CD7: variants seen among roughly 807,000 people sequenced by gnomAD.
CD7 encodes CD7 molecule, also known as T-cell antigen CD7.
Under a neutral mutation model 17.6 loss-of-function variants are expected in CD7, and 19 were observed. That is an observed-to-expected ratio of 1.08 (90% CI 0.75 to 1.58). CD7 has a LOEUF of 1.58. CD7 is among the 40% of genes most tolerant of loss of function. The pLI, the probability that CD7 is intolerant of heterozygous loss-of-function variation, is 0.00. For synonymous variants in CD7, 160 were observed against 159.8 expected (o/e 1.00, Z -0.01); for missense variants, 291 against 327.1 (o/e 0.89, Z 0.85).
chr17:82,317,358 C>T, intron 1 of CD7, 56 bp downstream of exon 1: 1 of 1,494,842 alleles, frequency 6.7e-7, no homozygotes, highest in South Asian at 1.2e-5. Flanking sequence ...GCTCTGAGCT[C>T]ATGGGGCAGG....
At chr17:82,317,167 T>C (rs1599647744) in intron 1 of CD7, 186 bp from the exon 2 acceptor site, 1 of 664,366 alleles carries the variant, frequency 1.5e-6, no homozygotes, top group South Asian at 1.9e-5. Context: ...GGGGAGGTGC[T>C]GTCCTCGTGT....
chr17:82,317,491 G>A lies in CD7; in HGVS notation c.5C>T (p.Ala2Val), dbSNP rs867697412. The change falls in exon 1 of 4, where the codon GCC becomes GTC. Residue 2 changes from alanine to valine, a missense_variant. Coordinates refer to ENST00000312648, the MANE Select transcript of CD7 (RefSeq NM_006137.7). MAGPPRLLLLPL... is the reference protein window; with the variant it reads MVGPPRLLLLPL... The stretch of plus-strand genomic sequence containing the variant: ...CAGCAGCAGGAGCCTCGGAGGCCCG[G>A]CCATGTTCCCCACACCCAGCTCTCC... 6.4e-7 allele frequency: 1 copy of A among 1,565,850 alleles called. No homozygotes were observed. The highest frequency in any genetic ancestry group is 8.7e-7 in the Non-Finnish European group (1 of 1,156,064).
At chr17:82,316,622 G>A (rs763805459) in intron 2 of CD7, 45 bp downstream of exon 2, 1 of 1,576,264 alleles carries the variant, frequency 6.3e-7, no homozygotes, top group Non-Finnish European at 8.6e-7. Flanking sequence ...AGCCTGGCCA[G>A]CAGCTGGGGT....
intron 3 of CD7, 113 bp downstream of exon 3, chr17:82,316,082 A>T: frequency 8.9e-7 from 1 of 1,124,824 alleles, no homozygotes; most frequent in Non-Finnish European, 1.3e-6. Context: ...CAGAGCCTGC[A>T]GAGGAGGCGG....
intron 3 of CD7, 145 bp downstream of exon 3, chr17:82,316,050 G>T: frequency 1.1e-6 from 1 of 901,484 alleles, no homozygotes; most frequent in Non-Finnish European, 1.8e-6. Flanking sequence ...CCCCGCCGAG[G>T]CCACTTCCAC....
At position 82,316,374 on chromosome 17, in the gene CD7, C is replaced by T. The variant is rs542906679; in HGVS notation, c.433G>A (p.Ala145Thr). The part of the protein sequence containing the change: ...QSQGWHRCSD[A>T]PPRASALPAP... The stretch of plus-strand genomic sequence containing the variant: ...GGGAGGGCAGAGGCCCTTGGTGGGG[C>T]GTCCGAGCATCTGTGCCATCCTTGG... The change falls in exon 3 of 4, where the codon GCC becomes ACC. Residue 145 changes from alanine to threonine, a missense_variant. Physicochemically the swap from Ala to Thr is moderately conservative, Grantham distance 58. Coordinates refer to ENST00000312648, the MANE Select transcript of CD7 (RefSeq NM_006137.7). The T allele has an allele frequency of 4.1e-5, 65 of 1,592,006 alleles. No homozygotes were observed. The highest frequency in any genetic ancestry group is 9.0e-5 in the East Asian group (4 of 44,282).
rs886535779 is a variant in CD7, at chr17:82,314,910, G to A, written c.*411C>T. 7 of 192,476 alleles carry A rather than the reference G, an allele frequency of 3.6e-5. No individual in the cohort carries two copies. The highest frequency in any genetic ancestry group is 1.6e-4 in the African/African-American group (7 of 43,294). 11.9% of individuals were successfully genotyped at this position (192,476 alleles called of 1,614,324 possible). A position where few individuals can be genotyped will look rare whatever the true frequency, so the allele number is the denominator to read the frequency against. On this transcript the variant is annotated 3_prime_UTR_variant, in exon 4 of 4. Coordinates refer to ENST00000312648, the MANE Select transcript of CD7 (RefSeq NM_006137.7). This position sits in a 1 kb window ranked among gnomAD's most constrained non-coding sequence, Gnocchi z 6.0. Reference sequence around the variant, plus strand: ...GCCTTTATTTCTGGTACGGCTGGGTGGGGGACTGGTCTCCTCCCGTCCTCT... The same window carrying A: ...GCCTTTATTTCTGGTACGGCTGGGTAGGGGACTGGTCTCCTCCCGTCCTCT...
At chr17:82,317,191 G>T (rs1053901585) in intron 1 of CD7, 3 of 659,920 alleles carry the variant, frequency 4.5e-6, no homozygotes, top group South Asian at 3.9e-5. Flanking sequence ...GAGACTGTGG[G>T]CTTCTTCCTC....
chr17:82,317,034 T>C, intron 1 of CD7, 53 bp from the exon 2 acceptor site: 2 of 1,481,276 alleles, frequency 1.4e-6, no homozygotes, highest in Non-Finnish European at 1.8e-6. Context: ...ACAGAGAATG[T>C]CCTCCCTGCA....
At position 82,316,684 on chromosome 17, in the gene CD7, G is replaced by T; in HGVS notation, c.380C>A (p.Thr127Asn). 6.2e-7 allele frequency: 1 copy of T among 1,612,206 alleles called. No homozygotes were observed. The change falls in exon 2 of 4, where the codon ACC (threonine) becomes AAC (asparagine). Residue 127 changes from threonine (T) to asparagine (N), a missense_variant. Physicochemically the swap from Thr to Asn is moderately conservative, Grantham distance 65 (BLOSUM62 0). Transcript: ENST00000312648. ...TTCCCTACCTGTCACCAGGACCAGGGTGCCGGAGCCGTAGACATTGACCTC... is the reference window on the plus strand; with the variant it reads ...TTCCCTACCTGTCACCAGGACCAGGTTGCCGGAGCCGTAGACATTGACCTC... ...ITEVNVYGSG[T>N]LVLVTEEQSQ...
At position 82,315,374 on chromosome 17, in the gene CD7, C is replaced by T; in HGVS notation, c.670G>A (p.Asp224Asn). 1 of 1,613,512 alleles carries T rather than the reference C, an allele frequency of 6.2e-7. No homozygotes were observed. The highest frequency in any genetic ancestry group is 1.1e-5 in the South Asian group (1 of 91,086). Reference protein sequence around the residue: ...KNSAACVVYEDMSHSRCNTLS... With the variant: ...KNSAACVVYENMSHSRCNTLS... ...GTGTTGCAGCGGCTGTGCGACATGT[C>T]CTCGTACACCACACATGCCGCCGAA... Residue 224 changes from aspartate (D) to asparagine (N), a missense_variant, in exon 4 of 4, where the codon GAC becomes AAC. By Grantham distance (23) the Asp-to-Asn change is conservative (BLOSUM62 1). Coordinates refer to ENST00000312648, the MANE Select transcript of CD7 (RefSeq NM_006137.7).
chr17:82,317,568 A>G lies in CD7; in HGVS notation c.-73T>C. ...TCTGGGTCTACAGGACCCCACAGAG[A>G]GCAGCACACAGGAGACCGCAGGCGC... On this transcript the variant is annotated 5_prime_UTR_variant, in exon 1 of 4. Coordinates refer to ENST00000312648, the MANE Select transcript of CD7 (RefSeq NM_006137.7). The G allele has an allele frequency of 7.3e-7, 1 of 1,377,104 alleles. No individual in the cohort carries two copies. The highest frequency in any genetic ancestry group is 2.5e-5 in the East Asian group (1 of 39,880). 85.3% of individuals were successfully genotyped at this position (1,377,104 alleles called of 1,614,324 possible).
In CD7 at chr17:82,316,339, C is replaced by T. The variant is rs1046327097; in HGVS notation, c.468G>A (p.Pro156=). Residue 156 remains proline (P), a synonymous_variant, in exon 3 of 4, where the codon CCG becomes CCA. Transcript: ENST00000312648. The stretch of plus-strand genomic sequence containing the variant: ...GCGGGTCAGGGAGGGCGGAGCCTGT[C>T]GGTGGGGCAGGGAGGGCAGAGGCCC... ...PPRASALPAP[P]TGSALPDPQT... The T allele has an allele frequency of 1.6e-5, 25 of 1,588,334 alleles. No individual in the cohort carries two copies. The highest frequency in any genetic ancestry group is 1.1e-4 in the Admixed American group (6 of 56,136).
rs1375726214 is a variant in CD7 at position 82,315,250 on chromosome 17, GGGT to G, written c.*68_*70del. ...GGACAGCAGGGTGAGGGGTGTGGCA[GGGT>G]GGGGGGCATGGTGGGGCAGGGAAGG... is the stretch of plus-strand genomic sequence containing the variant. On this transcript the variant is annotated 3_prime_UTR_variant, in exon 4 of 4. Coordinates refer to ENST00000312648, the MANE Select transcript of CD7 (RefSeq NM_006137.7). The G allele has an allele frequency of 1.0e-6, 1 of 980,734 alleles. No homozygotes were observed. The highest frequency in any genetic ancestry group is 1.6e-5 in the African/African-American group (1 of 62,078). 60.8% of individuals were successfully genotyped at this position (980,734 alleles called of 1,614,324 possible).
Position 82,316,839 on chromosome 17 carries a change from C to G in CD7, c.225G>C (p.Gly75=), listed in dbSNP as rs1349203487. Residue 75 remains glycine, a synonymous_variant, in exon 2 of 4, where the codon GGG becomes GGC. Transcript: ENST00000312648. ...QPQDIIYYED[G]VVPTTDRRFR... Reference sequence around the variant, plus strand: ...ACCGTCTGTCCGTAGTGGGCACCACCCCGTCCTCGTAGTAAATGATGTCTT... The same window carrying G: ...ACCGTCTGTCCGTAGTGGGCACCACGCCGTCCTCGTAGTAAATGATGTCTT... 2 of 1,613,956 alleles carry G rather than the reference C, an allele frequency of 1.2e-6. No individual in the cohort carries two copies. The highest frequency in any genetic ancestry group is 4.5e-5 in the East Asian group (2 of 44,890).
chr17:82,316,355 G>T lies in CD7; in HGVS notation c.452C>A (p.Ala151Asp). 6.3e-7 allele frequency: 1 copy of T among 1,594,766 alleles called. No homozygotes were observed. Among genetic ancestry groups the T allele is most frequent in the Admixed American group, 1.8e-5 (1 of 56,638 alleles). The change falls in exon 3 of 4, where the codon GCC becomes GAC. Residue 151 changes from alanine to aspartate, a missense_variant. Physicochemically the swap from Ala to Asp is moderately radical, Grantham distance 126. Transcript: ENST00000312648. ...GGAGCCTGTCGGTGGGGCAGGGAGG[G>T]CAGAGGCCCTTGGTGGGGCGTCCGA... ...RCSDAPPRAS[A>D]LPAPPTGSAL...
At chr17:82,315,989 C>T (rs2052009958) in intron 3 of CD7, 2 of 648,072 alleles carry the variant, frequency 3.1e-6, no homozygotes, top group Non-Finnish European at 5.4e-6. Context: ...GGGCCCAGCG[C>T]CTGGGCTGCT....
At chr17:82,315,990 C>G in intron 3 of CD7, 1 of 671,412 alleles carries the variant, frequency 1.5e-6, no homozygotes. Flanking sequence ...GGCCCAGCGC[C>G]TGGGCTGCTC....
In CD7 at chr17:82,315,410, G is replaced by T. The variant is rs768642514; in HGVS notation, c.634C>A (p.Arg212=). The change falls in exon 4 of 4, where the codon CGG becomes AGG. Residue 212 remains arginine (R), a synonymous_variant. Coordinates refer to ENST00000312648, the MANE Select transcript of CD7 (RefSeq NM_006137.7). The part of the protein sequence containing the change: ...RTQIKKLCSW[R]DKNSAACVVY... Reference sequence around the variant, plus strand: ...ACACATGCCGCCGAATTCTTATCCCGCCACGAGCACAGTTTCTTTATCTGA... The same window carrying T: ...ACACATGCCGCCGAATTCTTATCCCTCCACGAGCACAGTTTCTTTATCTGA... The T allele has an allele frequency of 6.2e-7, 1 of 1,613,594 alleles. No individual in the cohort carries two copies. Among genetic ancestry groups the T allele is most frequent in the East Asian group, 2.2e-5 (1 of 44,882 alleles).
Sources: gnomAD v4.1 joint callset for allele counts on GRCh38, gnomAD v4.1.1 for gene constraint, Gnocchi (gnomAD v3.1) non-coding constraint, MANE v1.5 for transcripts, NCBI Gene and HGNC (gene_info 2026-07-23, HGNC 2026-07-21) for gene names.